Variants in MAN1A1 observed in about 807,000 individuals in gnomAD.
MAN1A1 encodes the protein mannosidase alpha class 1A member 1, also known as mannosyl-oligosaccharide 1,2-alpha-mannosidase IA.
A neutral mutation model predicts 70.8 loss-of-function variants in MAN1A1; 29 were observed. That is an observed-to-expected ratio of 0.41 (90% CI 0.31 to 0.56). The LOEUF (loss-of-function observed/expected upper bound fraction) is 0.56. Ranked by LOEUF, MAN1A1 falls within the 20% of genes least tolerant of loss-of-function variation. The pLI is 0.29. For missense variants in MAN1A1, 747 were observed against 841.3 expected (o/e 0.89, Z 1.39); for synonymous variants, 349 against 330.1 (o/e 1.06, Z -0.62).
At chr6:119,243,507 CTATAA>C (rs1225645562) in intron 6 of MAN1A1, among the ~76,000 whole-genome samples, 1 of 152,020 alleles carries the variant, frequency 6.6e-6, no homozygotes, top group Admixed American at 6.6e-5. Flanking sequence ...AATTAACCAA[CTATAA>C]TGTAATATTT....
intron 6 of MAN1A1, among the ~76,000 whole-genome samples, chr6:119,208,533 T>C (rs1244686927): frequency 1.3e-5 from 2 of 152,198 alleles, no homozygotes; most frequent in African/African-American, 2.4e-5. Context: ...TTCATCCTAC[T>C]TTACTCAAAA....
intron 5 of MAN1A1, among the ~76,000 whole-genome samples, chr6:119,277,203 T>C (rs950022662): frequency 2.0e-5 from 3 of 152,218 alleles, no homozygotes; most frequent in Admixed American, 1.3e-4. Flanking sequence ...GCAAACAAAT[T>C]GTGGCATACT....
intron 2 of MAN1A1, among the ~76,000 whole-genome samples, chr6:119,346,210 T>C (rs1015867820): frequency 1.3e-5 from 2 of 150,196 alleles, no homozygotes; most frequent in Non-Finnish European, 2.9e-5. Flanking sequence ...TGAATCCAAA[T>C]ACGTAAAGTT....
chr6:119,189,830 T>C lies in MAN1A1; in HGVS notation c.1380A>G (p.Ala460=), dbSNP rs756959291. ...RKSSSGLTYI[A]EWKGGLLEHK... ...GCTCCAGGAGGCCCCCTTTCCACTC[T>C]GCGATATAAGTTAGTCCGCTGCTAG... is the stretch of plus-strand genomic sequence containing the variant. The change falls in exon 10 of 13, where the codon GCA becomes GCG. Residue 460 remains alanine, a synonymous_variant. Transcript: ENST00000368468. 5.0e-6 allele frequency: 8 copies of C among 1,614,140 alleles called. No individual in the cohort carries two copies. The South Asian group carries it at 8.8e-5, about 18-fold the overall frequency.
chr6:119,281,507 C>A (rs1776223805), intron 5 of MAN1A1, among the ~76,000 whole-genome samples: 1 of 152,162 alleles, frequency 6.6e-6, no homozygotes, highest in Admixed American at 6.5e-5. Context: ...TTGCCAGAAT[C>A]TCTTTTGCCA....
chr6:119,189,993 T>C (rs962752352), intron 9 of MAN1A1, 110 bp from the exon 10 acceptor site: 4 of 863,118 alleles, frequency 4.6e-6, no homozygotes, highest in Non-Finnish European at 7.0e-6. Flanking sequence ...CAATCAGAGT[T>C]TGGTGTTAAA....
rs114500936 is a variant in MAN1A1, at chr6:119,193,813, A to G, written c.1290T>C (p.Asp430=). The G allele has an allele frequency of 8.5e-5, 137 of 1,613,732 alleles. No individual in the cohort carries two copies. In the African/African-American group the frequency reaches 1.7e-3, roughly 20 times the overall value. Residue 430 remains aspartate (D), a synonymous_variant, in exon 9 of 13, where the codon GAT becomes GAC. Transcript: ENST00000368468. ...LKAWLMSDKT[D]LEAKKMYFDA... ...CAAAATACATCTTCTTAGCTTCCAG[A>G]TCTGTCTTGTCAGACATTAACCAGG...
intron 2 of MAN1A1, among the ~76,000 whole-genome samples, chr6:119,323,580 T>C (rs966580780): frequency 6.6e-6 from 1 of 152,214 alleles, no homozygotes; most frequent in African/African-American, 2.4e-5. Flanking sequence ...TTTCTCCAAG[T>C]AGGTTAACAG....
chr6:119,326,351 G>A (rs1356148396), intron 2 of MAN1A1, among the ~76,000 whole-genome samples: 1 of 152,160 alleles, frequency 6.6e-6, no homozygotes, highest in Non-Finnish European at 1.5e-5. Context: ...CTCTGGGCAC[G>A]AGCACCTGTA....
chr6:119,298,347 T>C (rs1772278602), intron 4 of MAN1A1, among the ~76,000 whole-genome samples: 1 of 152,190 alleles, frequency 6.6e-6, no homozygotes, highest in African/African-American at 2.4e-5. Flanking sequence ...CTACCAAGTA[T>C]GCAAAATGAA....
At chr6:119,205,701 C>A (rs977953234) in intron 6 of MAN1A1, among the ~76,000 whole-genome samples, 55 of 152,206 alleles carry the variant, frequency 3.6e-4, no homozygotes, top group African/African-American at 1.3e-3. Context: ...TGAAGAGCCA[C>A]TTAACACTTC....
chr6:119,331,840 T>G (rs1773324959), intron 2 of MAN1A1: 1 of 308,538 alleles, frequency 3.2e-6, no homozygotes, highest in East Asian at 1.0e-4. Flanking sequence ...TTATTCAAGG[T>G]GGGTAAGATC....
At chr6:119,290,887 C>T (rs1388899602) in intron 4 of MAN1A1, 124 bp from the exon 5 acceptor site, 4 of 619,896 alleles carry the variant, frequency 6.5e-6, no homozygotes, top group Admixed American at 3.0e-5. Context: ...AGTTTATATA[C>T]AGGGGGAAAT....
At chr6:119,239,621 G>A (rs937764541) in intron 6 of MAN1A1, among the ~76,000 whole-genome samples, 1 of 152,124 alleles carries the variant, frequency 6.6e-6, no homozygotes, top group African/African-American at 2.4e-5. Flanking sequence ...TGATACCTGC[G>A]CTGATTTTCA....
chr6:119,260,772 C>T (rs550235773), intron 5 of MAN1A1, among the ~76,000 whole-genome samples: 1 of 152,166 alleles, frequency 6.6e-6, no homozygotes, highest in Admixed American at 6.5e-5. Context: ...CAATGCCCTG[C>T]CTTAATAACG....
intron 2 of MAN1A1, among the ~76,000 whole-genome samples, chr6:119,321,203 C>T (rs890694296): frequency 7.2e-5 from 11 of 152,124 alleles, no homozygotes; most frequent in African/African-American, 1.9e-4. Context: ...CTTCTACTAT[C>T]GATTTCCATA....
intron 11 of MAN1A1, among the ~76,000 whole-genome samples, chr6:119,183,134 C>G (rs1184331367): frequency 6.6e-6 from 1 of 152,196 alleles, no homozygotes; most frequent in Non-Finnish European, 1.5e-5. Flanking sequence ...TTTTTCACAT[C>G]AGGGCTGGAG....
rs1324788139 is a variant in MAN1A1, at chr6:119,348,844, G to T, written c.222C>A (p.Phe74Leu). 2 of 1,515,690 alleles carry T rather than the reference G, an allele frequency of 1.3e-6. No homozygotes were observed. The highest frequency in any genetic ancestry group is 5.6e-5 in the East Asian group (2 of 35,954). The allele number at this position is 1,515,690 out of a possible 1,614,324, so 93.9% of individuals were successfully genotyped here. ...DSSKLLSGVLFHSSPALQPAA... is the reference protein window; with the variant it reads ...DSSKLLSGVLLHSSPALQPAA... The stretch of plus-strand genomic sequence containing the variant: ...CCGGCTGCAAGGCGGGGCTGGAGTG[G>T]AACAGGACCCCGCTGAGCAGCTTGG... Residue 74 changes from phenylalanine to leucine, a missense_variant, in exon 2 of 13, where the codon TTC becomes TTA. Physicochemically the swap from Phe to Leu is conservative, Grantham distance 22. Around this residue, in one of 2 missense-constraint regions of MAN1A1, gnomAD observed 328 missense variants for 293.1 expected, o/e 1.12. Transcript: ENST00000368468.
intron 2 of MAN1A1, among the ~76,000 whole-genome samples, chr6:119,330,302 T>G (rs1442491008): frequency 6.6e-6 from 1 of 152,006 alleles, no homozygotes; most frequent in Non-Finnish European, 1.5e-5. Context: ...ATTACCCCTC[T>G]CCACTCCTCT....
Sources: gnomAD v4.1 joint callset for allele counts (sites outside exome capture counted in the v4.1 genomes callset) on GRCh38, gnomAD v4.1.1 for gene constraint, gnomAD v4.1.1 regional missense constraint, MANE v1.5 for transcripts, NCBI Gene and HGNC (gene_info 2026-07-23, HGNC 2026-07-21) for gene names.